TMPRSS15: variants seen among roughly 807,000 people sequenced by gnomAD.
TMPRSS15 encodes transmembrane serine protease 15.
Under a neutral mutation model 125.3 loss-of-function variants are expected in TMPRSS15, and 128 were observed. The ratio of observed to expected loss-of-function variants is 1.02; its 90% confidence interval spans 0.89 to 1.18. The LOEUF (loss-of-function observed/expected upper bound fraction) is 1.18, where lower values mean the gene tolerates loss of function less well. TMPRSS15 is among the 50% of genes most tolerant of loss of function. The pLI is 0.00. For missense variants in TMPRSS15, 1,283 were observed against 1,212.7 expected (o/e 1.06, Z -0.86); for synonymous variants, 446 against 423.2 (o/e 1.05, Z -0.66).
At chr21:18,413,336 CTTCCTTCCTTCCTTCCTTCCTTCCT>C (rs2076171938) in intron 1 of TMPRSS15, among the ~76,000 whole-genome samples, 1 of 132,042 alleles carries the variant, frequency 7.6e-6, no homozygotes, top group African/African-American at 2.9e-5. Flanking sequence ...TCCTTCCTTC[CTTCCTTCCTTCCTTCCTTCCTTCCT>C]TTCCTTCCTT....
At chr21:18,474,331 C>G (rs1191211388) in intron 1 of TMPRSS15, among the ~76,000 whole-genome samples, 1 of 151,250 alleles carries the variant, frequency 6.6e-6, no homozygotes, top group Non-Finnish European at 1.5e-5. Context: ...ACTCTTATTG[C>G]CCAGGCTGGA....
chr21:18,399,247 G>A (rs2076072009), intron 1 of TMPRSS15, among the ~76,000 whole-genome samples: 1 of 152,012 alleles, frequency 6.6e-6, no homozygotes, highest in South Asian at 2.1e-4. Flanking sequence ...GGTAGTAAAG[G>A]TCTTAGGCAA....
chr21:18,329,499 T>C (rs538120985), intron 14 of TMPRSS15, among the ~76,000 whole-genome samples: 38 of 151,618 alleles, frequency 2.5e-4, no homozygotes, highest in Non-Finnish European at 4.0e-4. Flanking sequence ...ATTATATTTA[T>C]AGTAACATTT....
At chr21:18,347,436 C>T (rs1175546458) in intron 10 of TMPRSS15, among the ~76,000 whole-genome samples, 32 of 152,044 alleles carry the variant, frequency 2.1e-4, no homozygotes, top group Admixed American at 2.1e-3. Flanking sequence ...GGAGTTTCGC[C>T]ATGTTAGCCA....
At chr21:18,290,212 A>G (rs886484047) in intron 21 of TMPRSS15, among the ~76,000 whole-genome samples, 9 of 152,190 alleles carry the variant, frequency 5.9e-5, no homozygotes, top group Admixed American at 5.2e-4. Context: ...AGTTGGAGTC[A>G]TTGTTTTGAG....
intron 16 of TMPRSS15, among the ~76,000 whole-genome samples, chr21:18,317,453 T>C (rs1210882477): frequency 1.1e-5 from 1 of 92,048 alleles, no homozygotes; most frequent in Non-Finnish European, 2.2e-5. Flanking sequence ...TTTATGGGGG[T>C]AAGGGGAGGG....
chr21:18,281,868 C>T (rs369195748), intron 21 of TMPRSS15, among the ~76,000 whole-genome samples: 3 of 151,988 alleles, frequency 2.0e-5, no homozygotes, highest in East Asian at 1.9e-4. Context: ...GAGGCCGAGG[C>T]GGGCGGATCA....
intron 1 of TMPRSS15, among the ~76,000 whole-genome samples, chr21:18,433,950 A>G (rs1002539708): frequency 1.3e-5 from 2 of 152,160 alleles, no homozygotes; most frequent in Admixed American, 1.3e-4. Flanking sequence ...GCAATTGGAT[A>G]CTCACTACTT....
At chr21:18,292,780 T>A (rs146255702) in intron 21 of TMPRSS15, among the ~76,000 whole-genome samples, 1 of 152,306 alleles carries the variant, frequency 6.6e-6, no homozygotes, top group East Asian at 1.9e-4. Context: ...ATCCGTGACA[T>A]GTCCAACGCA....
chr21:18,454,964 T>A (rs1192142594), intron 1 of TMPRSS15, among the ~76,000 whole-genome samples: 2 of 152,162 alleles, frequency 1.3e-5, no homozygotes, highest in Non-Finnish European at 2.9e-5. Context: ...AATCTCATCT[T>A]GAATTGTGGG....
intron 1 of TMPRSS15, among the ~76,000 whole-genome samples, chr21:18,432,332 C>T (rs2076217753): frequency 3.3e-5 from 5 of 152,080 alleles, no homozygotes; most frequent in Admixed American, 3.3e-4. Flanking sequence ...TATTTAGTAA[C>T]ATTATGAAAA....
At chr21:18,413,719 C>T (rs148550232) in intron 1 of TMPRSS15, among the ~76,000 whole-genome samples, 19 of 151,608 alleles carry the variant, frequency 1.3e-4, no homozygotes, top group Non-Finnish European at 2.4e-4. Context: ...TGAGCCACCG[C>T]GTCCTGAACT....
In TMPRSS15 at chr21:18,297,655, T is replaced by C. The variant is rs1042729433; in HGVS notation, c.2261+79A>G. ...TTATATGACCAGTATGTAATAGCATTCAAATCTGACTGGCTTCAACAATCT... is the reference window on the plus strand; with the variant it reads ...TTATATGACCAGTATGTAATAGCATCCAAATCTGACTGGCTTCAACAATCT... On this transcript the variant is annotated intron_variant, in intron 19 of 24. Transcript: ENST00000284885. 5.6e-6 allele frequency: 6 copies of C among 1,068,310 alleles called. 1 individual carries two copies. Among genetic ancestry groups the C allele is most frequent in the Admixed American group, 1.8e-5 (1 of 56,112 alleles). 66.2% of individuals were successfully genotyped at this position (1,068,310 alleles called of 1,614,324 possible).
intron 1 of TMPRSS15, among the ~76,000 whole-genome samples, chr21:18,443,567 C>T (rs1489471925): frequency 1.3e-5 from 2 of 152,220 alleles, no homozygotes; most frequent in Non-Finnish European, 2.9e-5. Context: ...TCCAAGGGAA[C>T]CTCTACAAGC....
intron 5 of TMPRSS15, among the ~76,000 whole-genome samples, chr21:18,373,012 C>T (rs1025218726): frequency 3.9e-5 from 6 of 152,092 alleles, no homozygotes; most frequent in Non-Finnish European, 7.3e-5. Context: ...AATTTTTAGG[C>T]CAGTGTGGAA....
chr21:18,342,932 A>G (rs1052255271), intron 12 of TMPRSS15, among the ~76,000 whole-genome samples: 4 of 152,226 alleles, frequency 2.6e-5, no homozygotes, highest in Admixed American at 6.5e-5. Context: ...CTATTATGCC[A>G]TATTTTAATT....
intron 15 of TMPRSS15, among the ~76,000 whole-genome samples, chr21:18,328,211 C>T (rs139459563): frequency 6.6e-6 from 1 of 151,998 alleles, no homozygotes; most frequent in Non-Finnish European, 1.5e-5. Flanking sequence ...ACAAAAATTT[C>T]CTCTACAAGA....
chr21:18,276,287 C>T (rs919543060), intron 23 of TMPRSS15, among the ~76,000 whole-genome samples: 1 of 152,188 alleles, frequency 6.6e-6, no homozygotes, highest in Non-Finnish European at 1.5e-5. Context: ...TCAATTTTCT[C>T]TCCAGAAAAA....
intron 4 of TMPRSS15, chr21:18,380,675 G>A (rs1033817357): frequency 2.3e-6 from 1 of 430,514 alleles, no homozygotes; most frequent in Non-Finnish European, 4.9e-6. Context: ...CATTCAAAGG[G>A]CATCTGATCC....
Sources: gnomAD v4.1 joint callset for allele counts (sites outside exome capture counted in the v4.1 genomes callset) on GRCh38, gnomAD v4.1.1 for gene constraint, MANE v1.5 for transcripts, NCBI Gene and HGNC (gene_info 2026-07-23, HGNC 2026-07-21) for gene names.